GATAD2B: variants seen among roughly 807,000 people sequenced by gnomAD.
GATAD2B encodes GATA zinc finger domain containing 2B.
In GATAD2B, 8 loss-of-function variants were observed where a neutral mutation model predicts 64.3. The observed-to-expected ratio is 0.12, with a 90% confidence interval of 0.07 to 0.22. GATAD2B has a LOEUF of 0.22. GATAD2B is among the 10% of genes least tolerant of loss of function. GATAD2B has a pLI of 1.00. For missense variants in GATAD2B, 453 were observed against 752.0 expected (o/e 0.60, Z 4.65); for synonymous variants, 281 against 271.3 (o/e 1.04, Z -0.35).
chr1:153,810,470 T>C (rs917240090), intron 10 of GATAD2B, among the ~76,000 whole-genome samples, 160 bp from the exon 11 acceptor site: 1 of 152,226 alleles, frequency 6.6e-6, no homozygotes, highest in Non-Finnish European at 1.5e-5. Context: ...AACTTTCTTT[T>C]TCTTTTTTGA....
chr1:153,906,643 AAAC>A, intron 1 of GATAD2B, among the ~76,000 whole-genome samples: 1 of 152,332 alleles, frequency 6.6e-6, no homozygotes, highest in Middle Eastern at 3.4e-3. Flanking sequence ...AAGGAAAAAA[AAAC>A]AACAGATAAA....
chr1:153,816,394 C>T lies in GATAD2B; in HGVS notation c.1095G>A (p.Leu365=). 6.2e-7 allele frequency: 1 copy of T among 1,614,050 alleles called. No homozygotes were observed. The highest frequency in any genetic ancestry group is 8.5e-7 in the Non-Finnish European group (1 of 1,179,932). The change falls in exon 7 of 11, where the codon CTG becomes CTA. Residue 365 remains leucine, a synonymous_variant. Transcript: ENST00000368655. This position sits in a 1 kb window ranked among gnomAD's most constrained non-coding sequence, Gnocchi z 4.9. The part of the protein sequence containing the change: ...ALRKQLEKTL[L]EIPPPKPPAP... ...CAGGAGGTTTAGGGGGTGGGATCTC[C>T]AGGAGTGTCTTTTCCAGCTGTTTGC... is the stretch of plus-strand genomic sequence containing the variant.
At chr1:153,827,171 G>A (rs922498275) in intron 2 of GATAD2B, among the ~76,000 whole-genome samples, 1 of 149,940 alleles carries the variant, frequency 6.7e-6, no homozygotes, top group African/African-American at 2.5e-5. Flanking sequence ...GGTTGAGGGG[G>A]GAAGATCGCT....
At chr1:153,896,456 A>G (rs1677598040) in intron 1 of GATAD2B, among the ~76,000 whole-genome samples, 1 of 144,064 alleles carries the variant, frequency 6.9e-6, no homozygotes, top group African/African-American at 2.6e-5. Context: ...TTTTTTTGGA[A>G]ATGGAGTTTC....
Position 153,883,074 on chromosome 1 carries a change from C to T in GATAD2B, c.-2+39659G>A, listed in dbSNP as rs1190205860. 2.0e-5 allele frequency among the ~76,000 whole-genome samples: 3 copies of T among 152,096 alleles called. No homozygotes were observed. In the East Asian group the frequency reaches 5.8e-4, roughly 29 times the overall value. On this transcript the variant is annotated intron_variant, in intron 1 of 10. Coordinates refer to ENST00000368655, the MANE Select transcript of GATAD2B (RefSeq NM_020699.4). Reference sequence around the variant, plus strand: ...TTTTCTTACTTTTCAACTGATATCTCCCATGAATATGTCATTCCAAATGCT... The same window carrying T: ...TTTTCTTACTTTTCAACTGATATCTTCCATGAATATGTCATTCCAAATGCT...
chr1:153,833,152 C>T (rs1410063327), intron 1 of GATAD2B, among the ~76,000 whole-genome samples: 2 of 152,112 alleles, frequency 1.3e-5, no homozygotes, highest in African/African-American at 4.8e-5. Flanking sequence ...GGCTGTAGAG[C>T]ACTATGATTG....
At chr1:153,834,534 A>G (rs1278232662) in intron 1 of GATAD2B, among the ~76,000 whole-genome samples, 1 of 152,072 alleles carries the variant, frequency 6.6e-6, no homozygotes, top group Non-Finnish European at 1.5e-5. Context: ...GATTACAGGC[A>G]TGTGCCACCC....
intron 2 of GATAD2B, among the ~76,000 whole-genome samples, chr1:153,820,157 C>T (rs6680569): frequency 2.7e-5 from 4 of 149,064 alleles, no homozygotes; most frequent in African/African-American, 9.9e-5. Context: ...GAAGAGTACA[C>T]AAAAGAAGGA....
chr1:153,840,676 T>C (rs776872517), intron 1 of GATAD2B, among the ~76,000 whole-genome samples: 2 of 152,182 alleles, frequency 1.3e-5, no homozygotes, highest in Non-Finnish European at 2.9e-5. Context: ...TAAGTTCTAG[T>C]TTATCTTTTT....
At chr1:153,918,870 G>A (rs1235885153) in intron 1 of GATAD2B, among the ~76,000 whole-genome samples, 1 of 152,086 alleles carries the variant, frequency 6.6e-6, no homozygotes, top group Admixed American at 6.6e-5. Flanking sequence ...AGAATCACTT[G>A]AACCCAGGAG....
intron 1 of GATAD2B, among the ~76,000 whole-genome samples, chr1:153,891,574 T>TTA (rs1173778741): frequency 3.3e-3 from 65 of 19,944 alleles, no homozygotes; most frequent in African/African-American, 5.5e-3. Context: ...CTGTCTCGTT[T>TTA]AAAAAAAAAA....
intron 1 of GATAD2B, among the ~76,000 whole-genome samples, chr1:153,828,893 A>AT (rs945161708): frequency 4.6e-5 from 7 of 151,046 alleles, no homozygotes; most frequent in South Asian, 2.1e-4. Context: ...TTTCACTTTG[A>AT]TTTTTTTTAC....
intron 1 of GATAD2B, among the ~76,000 whole-genome samples, chr1:153,843,113 G>C (rs999216377): frequency 6.6e-6 from 1 of 151,588 alleles, no homozygotes; most frequent in African/African-American, 2.4e-5. Context: ...TGCCATGCCA[G>C]GCTAATTTTT....
chr1:153,888,019 G>A lies in GATAD2B; in HGVS notation c.-2+34714C>T, dbSNP rs187290924. Among the ~76,000 whole-genome samples, 6 of 151,894 alleles carry A rather than the reference G, an allele frequency of 4.0e-5. No homozygotes were observed. The East Asian group carries it at 5.8e-4, about 15-fold the overall frequency. On this transcript the variant is annotated intron_variant, in intron 1 of 10. Coordinates refer to ENST00000368655, the MANE Select transcript of GATAD2B (RefSeq NM_020699.4). ...GGAGAATCACTTGAACCTGGGAGGCGGAGGTTGCAGTGAGCTGAGATCGCG... is the reference window on the plus strand; with the variant it reads ...GGAGAATCACTTGAACCTGGGAGGCAGAGGTTGCAGTGAGCTGAGATCGCG...
At chr1:153,876,251 A>AAAAAAAAAAAAC (rs1676830074) in intron 1 of GATAD2B, among the ~76,000 whole-genome samples, 1 of 147,188 alleles carries the variant, frequency 6.8e-6, no homozygotes, top group African/African-American at 2.6e-5. Context: ...AAAAAAAAAA[A>AAAAAAAAAAAAC]AAAAAAAAAG....
chr1:153,828,402 T>G (rs1392633049), intron 1 of GATAD2B, 54 bp from the exon 2 acceptor site: 1 of 1,366,726 alleles, frequency 7.3e-7, no homozygotes, highest in African/African-American at 1.4e-5. Context: ...AAATAGTCCA[T>G]TTTTAAAAAG....
At chr1:153,891,669 G>GCTC in intron 1 of GATAD2B, among the ~76,000 whole-genome samples, 1 of 116,902 alleles carries the variant, frequency 8.6e-6, no homozygotes, top group African/African-American at 3.3e-5. Flanking sequence ...GTATGGGGGG[G>GCTC]GGGGAGGGGA....
chr1:153,849,105 G>A (rs569496429), intron 1 of GATAD2B, among the ~76,000 whole-genome samples: 10 of 152,226 alleles, frequency 6.6e-5, no homozygotes, highest in African/African-American at 2.2e-4. Context: ...TCCCACCTCA[G>A]CATCCCAGGT....
intron 1 of GATAD2B, among the ~76,000 whole-genome samples, chr1:153,862,289 A>AT (rs1234432441): frequency 1.3e-5 from 2 of 151,412 alleles, no homozygotes; most frequent in African/African-American, 4.9e-5. Flanking sequence ...CACCCAGCTA[A>AT]TTTTTTTATT....
Sources: allele counts gnomAD v4.1 joint callset (sites outside exome capture counted in the v4.1 genomes callset), GRCh38; gene constraint gnomAD v4.1.1; non-coding constraint Gnocchi (gnomAD v3.1); transcripts MANE v1.5; gene names NCBI Gene and HGNC (gene_info 2026-07-23, HGNC 2026-07-21).